FRMD4B: variants seen among roughly 807,000 people sequenced by gnomAD.
The protein encoded by FRMD4B is FERM domain-containing protein 4B.
FRMD4B carries 74 observed loss-of-function variants against 141.5 expected under a neutral mutation model. That is an observed-to-expected ratio of 0.52 (90% confidence interval 0.43 to 0.63). FRMD4B has a LOEUF of 0.63. Ranked by LOEUF, FRMD4B falls within the 30% of genes least tolerant of loss-of-function variation. The pLI is 0.00. For synonymous variants in FRMD4B, 506 were observed against 467.9 expected (o/e 1.08, Z -1.05); for missense variants, 1,366 against 1,253.4 (o/e 1.09, Z -1.36).
At chr3:69,271,148 T>C (rs564703308) in intron 5 of FRMD4B, among the ~76,000 whole-genome samples, 1 of 152,342 alleles carries the variant, frequency 6.6e-6, no homozygotes, top group South Asian at 2.1e-4. Context: ...AGTAGTAGGC[T>C]TAAATGTTTT....
intron 1 of FRMD4B, among the ~76,000 whole-genome samples, chr3:69,325,918 T>C (rs1227806352): frequency 6.6e-6 from 1 of 152,170 alleles, no homozygotes; most frequent in Non-Finnish European, 1.5e-5. Flanking sequence ...GTTATTTTAA[T>C]TTGCTTAAGT....
At chr3:69,388,307 G>A (rs17043802), upstream of FRMD4B, among the ~76,000 whole-genome samples, 3,294 of 152,166 alleles carry the variant, frequency 0.022, 121 homozygotes, top group African/African-American at 0.075. Flanking sequence ...GGTTTCCAAA[G>A]TCAGGGCAAT....
chr3:69,428,290 T>C (rs888755416), intron 2 of FRMD4B, among the ~76,000 whole-genome samples: 2 of 151,178 alleles, frequency 1.3e-5, no homozygotes, highest in African/African-American at 4.8e-5. Context: ...ACCTCTCTGT[T>C]CTCAGTGATC....
rs991704821 is a variant in FRMD4B at position 69,261,924 on chromosome 3, G to A, written c.502-11825C>T. ...TTGACCTTGTGATCAGCCCTCCTTGGCCTCCCAAAGTGCTGGGATTACAGG... is the reference window on the plus strand; with the variant it reads ...TTGACCTTGTGATCAGCCCTCCTTGACCTCCCAAAGTGCTGGGATTACAGG... On this transcript the variant is annotated intron_variant, in intron 5 of 22. Transcript: ENST00000398540. 1.3e-4 allele frequency among the ~76,000 whole-genome samples: 19 copies of A among 150,936 alleles called. 1 individual carries two copies. Among genetic ancestry groups the A allele is most frequent in the Admixed American group, 1.3e-4 (2 of 15,094 alleles).
intron 5 of FRMD4B, among the ~76,000 whole-genome samples, chr3:69,281,532 T>C (rs1351413324): frequency 2.0e-5 from 3 of 152,030 alleles, no homozygotes; most frequent in Non-Finnish European, 1.5e-5. Flanking sequence ...ATTTCATACA[T>C]AAAATTTTGC....
chr3:69,341,639 T>C (rs1413380470), intron 1 of FRMD4B, among the ~76,000 whole-genome samples: 2 of 152,200 alleles, frequency 1.3e-5, no homozygotes, highest in Admixed American at 1.3e-4. Context: ...TTGCTATGGT[T>C]TGTGGTCCCT....
chr3:69,316,719 A>ATTT (rs1701814429), intron 1 of FRMD4B, among the ~76,000 whole-genome samples: 1 of 152,222 alleles, frequency 6.6e-6, no homozygotes, highest in South Asian at 2.1e-4. Flanking sequence ...ATAAAAAAAT[A>ATTT]ATGCTCAAAA....
At chr3:69,380,218 C>T (rs1188822136) in intron 1 of FRMD4B, among the ~76,000 whole-genome samples, 1 of 152,180 alleles carries the variant, frequency 6.6e-6, no homozygotes, top group Non-Finnish European at 1.5e-5. Context: ...ATGTGCTCTA[C>T]CGTGTGGAAC....
At chr3:69,410,502 C>T (rs1704735289) in intron 2 of FRMD4B, among the ~76,000 whole-genome samples, 1 of 151,630 alleles carries the variant, frequency 6.6e-6, no homozygotes, top group African/African-American at 2.4e-5. Flanking sequence ...ATGTAGTTTG[C>T]AAGACCTGTA....
At chr3:69,490,021 A>G (rs970819326) in intron 1 of FRMD4B, among the ~76,000 whole-genome samples, 1 of 152,238 alleles carries the variant, frequency 6.6e-6, no homozygotes, top group Admixed American at 6.5e-5. Context: ...AGAATAGGCA[A>G]TCCAGGGAGA....
chr3:69,511,496 T>C (rs1350750419), intron 1 of FRMD4B, among the ~76,000 whole-genome samples: 1 of 152,022 alleles, frequency 6.6e-6, no homozygotes, highest in Non-Finnish European at 1.5e-5. Flanking sequence ...AAACACAGGA[T>C]GCAGTGGGCA....
chr3:69,517,802 T>C (rs1287087752), intron 1 of FRMD4B, among the ~76,000 whole-genome samples: 1 of 152,190 alleles, frequency 6.6e-6, no homozygotes, highest in African/African-American at 2.4e-5. Flanking sequence ...ATGTCTCTGT[T>C]ACCTATCTGG....
chr3:69,174,897 T>A (rs72928330), intron 22 of FRMD4B, among the ~76,000 whole-genome samples: 7,433 of 152,272 alleles, frequency 0.049, 509 homozygotes, highest in East Asian at 0.27. Context: ...TTTAGGCCAG[T>A]CATTTTGGTT....
rs376652072 is a variant in FRMD4B at position 69,249,245 on chromosome 3, C to T, written c.562G>A (p.Ala188Thr). Residue 188 changes from alanine to threonine, a missense_variant, in exon 7 of 23, where the codon GCC (alanine) becomes ACC (threonine). Ala to Thr is a moderately conservative substitution (Grantham distance 58, BLOSUM62 0). Transcript: ENST00000398540. Reference sequence around the variant, plus strand: ...CATTACCTGGTATAATCTCCCTTGGCTTCCTAAAAACAACAAACAAAAACA... The same window carrying T: ...CATTACCTGGTATAATCTCCCTTGGTTTCCTAAAAACAACAAACAAAAACA... ...FKLAAFILQE[A>T]KGDYTSDENA... 7 of 1,578,108 alleles carry T rather than the reference C, an allele frequency of 4.4e-6. No homozygotes were observed. In the African/African-American group the frequency reaches 8.1e-5, roughly 18 times the overall value.
intron 2 of FRMD4B, among the ~76,000 whole-genome samples, chr3:69,394,194 G>T (rs1460080884): frequency 6.6e-6 from 1 of 152,180 alleles, no homozygotes; most frequent in African/African-American, 2.4e-5. Context: ...TTCCTGGTTT[G>T]GAGGTGGCTG....
At chr3:69,377,816 C>CT (rs35903288) in intron 1 of FRMD4B, among the ~76,000 whole-genome samples, 2,361 of 145,584 alleles carry the variant, frequency 0.016, 46 homozygotes, top group African/African-American at 0.053. Flanking sequence ...TCTTCTTCTT[C>CT]TTTTTTTTTT....
At chr3:69,224,037 A>G (rs1372154644) in intron 8 of FRMD4B, among the ~76,000 whole-genome samples, 1 of 152,190 alleles carries the variant, frequency 6.6e-6, no homozygotes, top group Non-Finnish European at 1.5e-5. Flanking sequence ...AACCATCTTG[A>G]GGATTCAGAC....
chr3:69,315,119 T>C (rs577180569), intron 1 of FRMD4B, among the ~76,000 whole-genome samples: 2 of 152,212 alleles, frequency 1.3e-5, no homozygotes, highest in Admixed American at 6.5e-5. Flanking sequence ...ATCACCACCA[T>C]AGTTAAGAAC....
chr3:69,362,228 T>C (rs992970521), intron 1 of FRMD4B, among the ~76,000 whole-genome samples: 1 of 152,198 alleles, frequency 6.6e-6, no homozygotes, highest in African/African-American at 2.4e-5. Flanking sequence ...CTATTATTAT[T>C]ATCTCCATTT....
Sources: gnomAD v4.1 joint callset for allele counts (sites outside exome capture counted in the v4.1 genomes callset) on GRCh38, gnomAD v4.1.1 for gene constraint, MANE v1.5 for transcripts, NCBI Gene and HGNC (gene_info 2026-07-23, HGNC 2026-07-21) for gene names.